Variants in ANKS1A observed in about 807,000 individuals in gnomAD.
ANKS1A encodes ankyrin repeat and sterile alpha motif domain containing 1A.
A neutral mutation model predicts 120.3 loss-of-function variants in ANKS1A; 55 were observed. The observed-to-expected ratio is 0.46, with a 90% confidence interval of 0.37 to 0.57. The LOEUF is 0.57. Ranked by LOEUF, ANKS1A falls within the 20% of genes least tolerant of loss-of-function variation. The pLI, the probability that ANKS1A is intolerant of heterozygous loss-of-function variation, is 0.00. For synonymous variants in ANKS1A, 590 were observed against 604.7 expected (o/e 0.98, Z 0.36); for missense variants, 1,123 against 1,480.3 (o/e 0.76, Z 3.96).
chr6:34,972,410 G>T (rs1037725843), intron 3 of ANKS1A, among the ~76,000 whole-genome samples: 1 of 152,080 alleles, frequency 6.6e-6, no homozygotes, highest in Non-Finnish European at 1.5e-5. Flanking sequence ...TAGATTAAAG[G>T]GGGGTAAGAG....
intron 13 of ANKS1A, among the ~76,000 whole-genome samples, chr6:35,076,428 T>C (rs950515481): frequency 2.0e-5 from 3 of 152,102 alleles, no homozygotes; most frequent in Admixed American, 1.3e-4. Flanking sequence ...AGAAAAACTC[T>C]GAGGCTATAA....
intron 1 of ANKS1A, among the ~76,000 whole-genome samples, chr6:34,936,168 G>T (rs1769246797): frequency 6.6e-6 from 1 of 152,022 alleles, no homozygotes; most frequent in South Asian, 2.1e-4. Context: ...GTTTTAGAGT[G>T]CAGAGAACCC....
At chr6:34,900,152 C>T (rs1030180066) in intron 1 of ANKS1A, among the ~76,000 whole-genome samples, 10 of 152,138 alleles carry the variant, frequency 6.6e-5, no homozygotes, top group African/African-American at 2.4e-4. Context: ...GATGAAGAAG[C>T]AAAAGTTAAG....
rs1207210615 is a variant in ANKS1A at position 35,090,908 on chromosome 6, C to CA, written c.*2300dup. 16 of 985,572 alleles carry CA rather than the reference C, an allele frequency of 1.6e-5. No homozygotes were observed. The highest frequency in any genetic ancestry group is 1.8e-5 in the Non-Finnish European group (15 of 830,078). The allele number at this position is 985,572 out of a possible 1,614,324, so 61.1% of individuals were successfully genotyped here. On this transcript the variant is annotated 3_prime_UTR_variant, in exon 24 of 24. Transcript: ENST00000360359. The stretch of plus-strand genomic sequence containing the variant: ...TGCTCAGCGCATAAGACCTTCCCGA[C>CA]AGGCTCTGCGTGTGCAGCTCTCTGC...
In ANKS1A at chr6:35,083,125, C is replaced by T. The variant is rs770687198; in HGVS notation, c.2836-30C>T. 11 of 1,612,200 alleles carry T rather than the reference C, an allele frequency of 6.8e-6. No individual in the cohort carries two copies. The African/African-American group carries it at 1.3e-4, about 20-fold the overall frequency. ...ACCCCTGCATGGAAACGCAGGATTT[C>T]CTAAGCCTGGCCACTGCTCGCCCCC... On this transcript the variant is annotated intron_variant, in intron 18 of 23. Coordinates refer to ENST00000360359, the MANE Select transcript of ANKS1A (RefSeq NM_015245.3).
Position 35,006,986 on chromosome 6 carries a change from AAAG to A in ANKS1A, c.1424-10484_1424-10482del, listed in dbSNP as rs1773494703. ...ATAGTGAGACCCTGTTCTCCACAAA[AAAG>A]AATAGAAAAAAGACAAAAAAGAATA... On this transcript the variant is annotated intron_variant, in intron 10 of 23. Transcript: ENST00000360359. Among the ~76,000 whole-genome samples, 6 of 152,200 alleles carry A rather than the reference AAAG, an allele frequency of 3.9e-5. No homozygotes were observed. The South Asian group carries it at 1.2e-3, about 32-fold the overall frequency.
At chr6:34,958,179 C>T (rs1244764546) in intron 1 of ANKS1A, among the ~76,000 whole-genome samples, 1 of 152,056 alleles carries the variant, frequency 6.6e-6, no homozygotes. Flanking sequence ...AACTCCCTCC[C>T]GCTCCCTTCT....
At chr6:34,953,772 A>G (rs890140722) in intron 1 of ANKS1A, among the ~76,000 whole-genome samples, 2 of 152,140 alleles carry the variant, frequency 1.3e-5, no homozygotes, top group Admixed American at 6.5e-5. Context: ...AGGGGGCACA[A>G]GACAGGCACA....
At chr6:34,991,703 CATATAT>C (rs1554142098) in intron 9 of ANKS1A, among the ~76,000 whole-genome samples, 1 of 27,136 alleles carries the variant, frequency 3.7e-5, no homozygotes, top group Non-Finnish European at 1.4e-4. Flanking sequence ...CATATATATA[CATATAT>C]ACACATATAT....
intron 11 of ANKS1A, among the ~76,000 whole-genome samples, chr6:35,029,389 C>T (rs1774787157): frequency 7.0e-6 from 1 of 143,286 alleles, no homozygotes; most frequent in South Asian, 2.2e-4. Context: ...TGCTCTGTCA[C>T]CCCGGCTGGA....
rs180792438 is a variant in ANKS1A at position 34,944,679 on chromosome 6, T to C, written c.198-22560T>C. On this transcript the variant is annotated intron_variant, in intron 1 of 23. Transcript: ENST00000360359. Reference sequence around the variant, plus strand: ...AAGTTTCTCAGTCAGCCCCACAGAATCTGCACATATGAAATGGTGGCCCTC... The same window carrying C: ...AAGTTTCTCAGTCAGCCCCACAGAACCTGCACATATGAAATGGTGGCCCTC... Among the ~76,000 whole-genome samples the C allele has an allele frequency of 1.9e-4, 29 of 152,292 alleles. No individual in the cohort carries two copies. In the South Asian group the frequency reaches 2.3e-3, roughly 12 times the overall value.
intron 10 of ANKS1A, among the ~76,000 whole-genome samples, chr6:35,004,431 A>G (rs1773337399): frequency 6.6e-6 from 1 of 152,056 alleles, no homozygotes; most frequent in African/African-American, 2.4e-5. Flanking sequence ...GAGACCAGCC[A>G]GAACAACATA....
At chr6:35,072,297 C>T (rs538356988) in intron 13 of ANKS1A, among the ~76,000 whole-genome samples, 6 of 152,352 alleles carry the variant, frequency 3.9e-5, no homozygotes, top group African/African-American at 7.2e-5. Context: ...ATGCTCCTTC[C>T]GTTCGCCTGG....
chr6:35,085,606 CTAGGAAGAG>C lies in ANKS1A; in HGVS notation c.3133-157_3133-149del, dbSNP rs56055413. Reference sequence around the variant, plus strand: ...GTAGAGCGGGAAGAACAACAGAGACCTAGGAAGAGTAAAGGAGGGAAAGGAGGGAAGAGT... The same window carrying C: ...GTAGAGCGGGAAGAACAACAGAGACCTAAAGGAGGGAAAGGAGGGAAGAGT... On this transcript the variant is annotated intron_variant, in intron 21 of 23. Transcript: ENST00000360359. This position sits in a 1 kb window ranked among gnomAD's most constrained non-coding sequence, Gnocchi z 4.7. Among the ~76,000 whole-genome samples, 54,949 of 151,098 alleles carry C rather than the reference CTAGGAAGAG, an allele frequency of 0.36. 12,503 individuals are homozygous for C. The highest frequency in any genetic ancestry group is 0.49 in the Middle Eastern group (140 of 288).
At chr6:35,092,706 C>T (rs1778345357), downstream of ANKS1A, among the ~76,000 whole-genome samples, 1 of 152,234 alleles carries the variant, frequency 6.6e-6, no homozygotes, top group Non-Finnish European at 1.5e-5. Flanking sequence ...CTATCATCAT[C>T]CCTTCTGGGA....
At position 35,015,785 on chromosome 6, in the gene ANKS1A, A is replaced by G. The variant is rs530385721; in HGVS notation, c.1424-1688A>G. Among the ~76,000 whole-genome samples, 3 of 152,346 alleles carry G rather than the reference A, an allele frequency of 2.0e-5. No individual in the cohort carries two copies. The East Asian group carries it at 5.8e-4, about 29-fold the overall frequency. On this transcript the variant is annotated intron_variant, in intron 10 of 23. Transcript: ENST00000360359. ...TCTTAAAGGCTGTTTTGAAAAAACCACTGTTGCAGGAGAGTAGCGTCATGC... is the reference window on the plus strand; with the variant it reads ...TCTTAAAGGCTGTTTTGAAAAAACCGCTGTTGCAGGAGAGTAGCGTCATGC...
In ANKS1A at chr6:34,994,415, A is replaced by T; in HGVS notation, c.1416A>T (p.Lys472Asn). The part of the protein sequence containing the change: ...ETKKVVLVDG[K>N]TKDHRRSSSS... ...AGAAAGTGGTGTTGGTGGATGGAAA[A>T]ACAAAAGGTACGTTCCCCACAACTC... The change falls in exon 10 of 24, where the codon AAA becomes AAT. Residue 472 changes from lysine to asparagine, a missense_variant. This residue lies in a region of ANKS1A where 904 missense variants were observed against 1,130.4 expected (regional missense o/e 0.80). Coordinates refer to ENST00000360359, the MANE Select transcript of ANKS1A (RefSeq NM_015245.3). The T allele has an allele frequency of 6.2e-7, 1 of 1,612,050 alleles. No homozygotes were observed. Among genetic ancestry groups the T allele is most frequent in the East Asian group, 2.2e-5 (1 of 44,760 alleles).
downstream of ANKS1A, among the ~76,000 whole-genome samples, chr6:35,094,440 GAA>G (rs35902442): frequency 1.9e-4 from 22 of 118,854 alleles, no homozygotes; most frequent in Admixed American, 1.8e-4. Context: ...ACTTCGTCTG[GAA>G]AAAAAAAAAA....
At chr6:34,973,948 C>CCCTTCCCCTTCCCCTTG (rs1771341874) in intron 3 of ANKS1A, among the ~76,000 whole-genome samples, 1 of 65,588 alleles carries the variant, frequency 1.5e-5, no homozygotes, top group Non-Finnish European at 3.1e-5. Context: ...CCTTCCCCTT[C>CCCTTCCCCTTCCCCTTG]CCTTCCCCTT....
Sources: gnomAD v4.1 joint callset for allele counts (sites outside exome capture counted in the v4.1 genomes callset) on GRCh38, gnomAD v4.1.1 for gene constraint, gnomAD v4.1.1 regional missense constraint, Gnocchi (gnomAD v3.1) non-coding constraint, MANE v1.5 for transcripts, NCBI Gene and HGNC (gene_info 2026-07-23, HGNC 2026-07-21) for gene names.